Variants in ZCCHC7 observed in about 807,000 individuals in gnomAD.
ZCCHC7 encodes zinc finger CCHC-type containing 7.
ZCCHC7 carries 35 observed loss-of-function variants against 52.0 expected under a neutral mutation model. The observed-to-expected ratio is 0.67, with a 90% confidence interval of 0.51 to 0.89. The LOEUF (loss-of-function observed/expected upper bound fraction) is 0.89, where lower values mean the gene tolerates loss of function less well. Ranked by LOEUF, ZCCHC7 falls within the 40% of genes least tolerant of loss-of-function variation. The pLI is 0.00. For synonymous variants in ZCCHC7, 217 were observed against 221.5 expected (o/e 0.98, Z 0.18); for missense variants, 574 against 649.1 (o/e 0.88, Z 1.26).
At chr9:37,172,477 A>G (rs1821782091) in intron 2 of ZCCHC7, among the ~76,000 whole-genome samples, 1 of 152,246 alleles carries the variant, frequency 6.6e-6, no homozygotes, top group Non-Finnish European at 1.5e-5. Context: ...AATAATATTT[A>G]TGGACCATTC....
chr9:37,297,187 T>G (rs1398033641), intron 2 of ZCCHC7, among the ~76,000 whole-genome samples: 1 of 151,450 alleles, frequency 6.6e-6, no homozygotes, highest in Non-Finnish European at 1.5e-5. Context: ...TTTAAAAGCT[T>G]GTTGTTAATT....
intron 2 of ZCCHC7, among the ~76,000 whole-genome samples, chr9:37,156,604 GGCTGAA>G (rs1368703332): frequency 6.6e-6 from 1 of 152,064 alleles, no homozygotes; most frequent in Non-Finnish European, 1.5e-5. Context: ...TTTGACTTTT[GGCTGAA>G]ACTATTAAAT....
At chr9:37,195,648 A>G (rs907780055) in intron 2 of ZCCHC7, among the ~76,000 whole-genome samples, 1 of 152,200 alleles carries the variant, frequency 6.6e-6, no homozygotes, top group Non-Finnish European at 1.5e-5. Flanking sequence ...ATTGTAAACC[A>G]GAAGAATAGA....
At chr9:37,122,623 A>G (rs1342575311) in intron 1 of ZCCHC7, among the ~76,000 whole-genome samples, 1 of 152,256 alleles carries the variant, frequency 6.6e-6, no homozygotes, top group African/African-American at 2.4e-5. Flanking sequence ...AAAAAATCTT[A>G]ATTTGAAGTT....
chr9:37,193,260 A>G (rs745802385), intron 2 of ZCCHC7, among the ~76,000 whole-genome samples: 8 of 152,206 alleles, frequency 5.3e-5, no homozygotes, highest in Non-Finnish European at 8.8e-5. Flanking sequence ...GTGTTTTAAT[A>G]AGCAATTATT....
intron 2 of ZCCHC7, among the ~76,000 whole-genome samples, chr9:37,182,922 G>A (rs960271286): frequency 6.6e-6 from 1 of 152,172 alleles, no homozygotes; most frequent in African/African-American, 2.4e-5. Flanking sequence ...GGAGCTCAAG[G>A]CTGTAGTGTG....
At chr9:37,345,045 A>G (rs987807659) in intron 6 of ZCCHC7, among the ~76,000 whole-genome samples, 2 of 152,174 alleles carry the variant, frequency 1.3e-5, no homozygotes, top group Non-Finnish European at 2.9e-5. Flanking sequence ...CTTTCTACTT[A>G]TAATAAATCC....
At chr9:37,205,635 G>C (rs954179286) in intron 2 of ZCCHC7, among the ~76,000 whole-genome samples, 1 of 152,202 alleles carries the variant, frequency 6.6e-6, no homozygotes, top group Non-Finnish European at 1.5e-5. Context: ...TCCTGCCTCA[G>C]CCTCCTGAGT....
At chr9:37,269,618 C>CAAAAAAAAAAAAAAAAAAAAAAAAAAAA (rs1170865355) in intron 2 of ZCCHC7, among the ~76,000 whole-genome samples, 1 of 27,230 alleles carries the variant, frequency 3.7e-5, no homozygotes, top group Non-Finnish European at 8.7e-5. Context: ...GACTCTGTCT[C>CAAAAAAAAAAAAAAAAAAAAAAAAAAAA]AAAAAAAAAA....
At chr9:37,185,075 G>A (rs77765683) in intron 2 of ZCCHC7, among the ~76,000 whole-genome samples, 2,216 of 151,908 alleles carry the variant, frequency 0.015, 46 homozygotes, top group African/African-American at 0.045. Context: ...CCCTTGACCC[G>A]TACTTCGAAA....
intron 2 of ZCCHC7, among the ~76,000 whole-genome samples, chr9:37,271,752 G>A (rs540494431): frequency 6.6e-6 from 1 of 152,074 alleles, no homozygotes; most frequent in African/African-American, 2.4e-5. Context: ...GTATTTTTAG[G>A]AGAGTCGAGG....
chr9:37,193,304 A>C (rs1823113415), intron 2 of ZCCHC7, among the ~76,000 whole-genome samples: 1 of 152,148 alleles, frequency 6.6e-6, no homozygotes, highest in Non-Finnish European at 1.5e-5. Flanking sequence ...TAGCTTTAAA[A>C]ATTTCTGACG....
intron 2 of ZCCHC7, among the ~76,000 whole-genome samples, chr9:37,156,307 A>T (rs2132868304): frequency 6.6e-6 from 1 of 152,302 alleles, no homozygotes; most frequent in South Asian, 2.1e-4. Flanking sequence ...TAGATATCAC[A>T]TTTCTTTTTT....
intron 5 of ZCCHC7, 134 bp downstream of exon 5, chr9:37,305,848 T>C: frequency 1.4e-6 from 1 of 703,850 alleles, no homozygotes; most frequent in Non-Finnish European, 2.1e-6. Flanking sequence ...TATATATATA[T>C]ATAGTCATGT....
At chr9:37,207,790 T>C (rs550694080) in intron 2 of ZCCHC7, among the ~76,000 whole-genome samples, 34 of 152,334 alleles carry the variant, frequency 2.2e-4, no homozygotes, top group African/African-American at 7.2e-4. Flanking sequence ...TATTTTCTAC[T>C]TCTAAATTTT....
intron 2 of ZCCHC7, among the ~76,000 whole-genome samples, chr9:37,258,192 T>C (rs1040212325): frequency 2.6e-5 from 4 of 152,206 alleles, no homozygotes; most frequent in Non-Finnish European, 5.9e-5. Context: ...TTTATGTCTC[T>C]GTTCCTCAAT....
chr9:37,344,221 A>G (rs1820814754), intron 6 of ZCCHC7, among the ~76,000 whole-genome samples: 1 of 152,204 alleles, frequency 6.6e-6, no homozygotes, highest in African/African-American at 2.4e-5. Flanking sequence ...ATATTTGTGA[A>G]CATAGACCTT....
At chr9:37,311,161 A>G (rs1221646261) in intron 5 of ZCCHC7, among the ~76,000 whole-genome samples, 1 of 152,086 alleles carries the variant, frequency 6.6e-6, no homozygotes, top group African/African-American at 2.4e-5. Flanking sequence ...AGACCATTGC[A>G]GCTTCAGCAA....
intron 2 of ZCCHC7, among the ~76,000 whole-genome samples, chr9:37,259,398 A>G (rs184273641): frequency 6.6e-6 from 1 of 152,324 alleles, no homozygotes; most frequent in Admixed American, 6.5e-5. Context: ...AATTCATTTT[A>G]GTCATCAAAA....
Sources: allele counts gnomAD v4.1 joint callset (sites outside exome capture counted in the v4.1 genomes callset), GRCh38; gene constraint gnomAD v4.1.1; transcripts MANE v1.5; gene names NCBI Gene and HGNC (gene_info 2026-07-23, HGNC 2026-07-21).